NCALD: variants seen among roughly 807,000 people sequenced by gnomAD.
The protein encoded by NCALD is neurocalcin-delta.
In NCALD, 10 loss-of-function variants were observed where a neutral mutation model predicts 18.6. That is an observed-to-expected ratio of 0.54 (90% CI 0.33 to 0.91). The LOEUF is 0.91. Among genes scored for constraint, NCALD ranks in the 40% least tolerant of loss-of-function variants. The pLI is 0.03. For missense variants in NCALD, 184 were observed against 247.6 expected (o/e 0.74, Z 1.72); for synonymous variants, 88 against 87.4 (o/e 1.01, Z -0.04).
At chr8:101,962,313 G>A (rs1415752757) in intron 2 of NCALD, among the ~76,000 whole-genome samples, 1 of 152,172 alleles carries the variant, frequency 6.6e-6, no homozygotes, top group Non-Finnish European at 1.5e-5. Flanking sequence ...TACCTTGATA[G>A]TCCAATAAAA....
chr8:101,906,294 A>C (rs1317645466), intron 3 of NCALD, among the ~76,000 whole-genome samples: 1 of 152,216 alleles, frequency 6.6e-6, no homozygotes, highest in East Asian at 1.9e-4. Context: ...AACAACTGGA[A>C]GTTCGAAATC....
At chr8:101,970,873 G>A (rs1397684193) in intron 2 of NCALD, among the ~76,000 whole-genome samples, 3 of 152,292 alleles carry the variant, frequency 2.0e-5, no homozygotes, top group South Asian at 4.1e-4. Context: ...TTGTGGCAAT[G>A]CTGCAAGGTA....
chr8:101,718,049 C>T (rs1385695975), intron 2 of NCALD, among the ~76,000 whole-genome samples: 2 of 152,100 alleles, frequency 1.3e-5, no homozygotes, highest in Admixed American at 6.5e-5. Context: ...GGACTTAGCA[C>T]TCTAGGAAAC....
At chr8:101,705,967 G>T (rs1243674756) in intron 2 of NCALD, among the ~76,000 whole-genome samples, 1 of 152,214 alleles carries the variant, frequency 6.6e-6, no homozygotes, top group East Asian at 1.9e-4. Flanking sequence ...GATAACTGGG[G>T]AAAAGTTATA....
intron 1 of NCALD, among the ~76,000 whole-genome samples, chr8:102,058,811 T>C (rs987977525): frequency 6.6e-6 from 1 of 152,200 alleles, no homozygotes; most frequent in African/African-American, 2.4e-5. Context: ...GACTTTGAGA[T>C]GGGTAGATTA....
intron 1 of NCALD, among the ~76,000 whole-genome samples, chr8:102,053,639 C>T (rs951350154): frequency 1.3e-5 from 2 of 152,160 alleles, no homozygotes; most frequent in African/African-American, 4.8e-5. Context: ...CGTTAACCAC[C>T]TAGTAATACT....
intron 2 of NCALD, among the ~76,000 whole-genome samples, chr8:101,709,437 A>G (rs1032870585): frequency 1.3e-5 from 2 of 152,258 alleles, no homozygotes; most frequent in African/African-American, 4.8e-5. Context: ...TTGTAAGGAT[A>G]AAGAATGCAG....
At chr8:102,060,176 T>C (rs1475679953) in intron 1 of NCALD, among the ~76,000 whole-genome samples, 2 of 151,946 alleles carry the variant, frequency 1.3e-5, no homozygotes, top group Non-Finnish European at 2.9e-5. Flanking sequence ...ACAGACAGGG[T>C]TTCACTGTGT....
At chr8:101,699,567 A>G (rs1460786188) in intron 2 of NCALD, among the ~76,000 whole-genome samples, 2 of 152,214 alleles carry the variant, frequency 1.3e-5, no homozygotes, top group Non-Finnish European at 2.9e-5. Context: ...TACACCATGG[A>G]ATACTATGCA....
chr8:101,999,452 A>G lies in NCALD; in HGVS notation c.-157+20785T>C, dbSNP rs185165427. Among the ~76,000 whole-genome samples, 5 of 152,284 alleles carry G rather than the reference A, an allele frequency of 3.3e-5. No individual in the cohort carries two copies. In the East Asian group the frequency reaches 9.7e-4, roughly 29 times the overall value. The stretch of plus-strand genomic sequence containing the variant: ...CCAAACATCATATGTTCTCACGCGT[A>G]ATTGGGAGCTAAGCTATGAGGATGC... On this transcript the variant is annotated intron_variant, in intron 2 of 6. Transcript: ENST00000311028.
At chr8:102,079,257 T>A (rs1032600280) in intron 1 of NCALD, among the ~76,000 whole-genome samples, 2 of 152,220 alleles carry the variant, frequency 1.3e-5, no homozygotes, top group African/African-American at 4.8e-5. Context: ...GACCAGACAC[T>A]GCAGAGCTAC....
At chr8:102,088,563 A>T (rs1371470442) in intron 1 of NCALD, among the ~76,000 whole-genome samples, 1 of 152,122 alleles carries the variant, frequency 6.6e-6, no homozygotes, top group Admixed American at 6.5e-5. Flanking sequence ...GGGAAAAAAA[A>T]AAAAAAGAAC....
intron 3 of NCALD, among the ~76,000 whole-genome samples, chr8:101,894,895 C>T (rs1817091149): frequency 6.6e-6 from 1 of 150,476 alleles, no homozygotes; most frequent in African/African-American, 2.5e-5. Flanking sequence ...AAAAAGATTC[C>T]AGGACCAGAT....
At chr8:101,896,304 C>A (rs966222795) in intron 3 of NCALD, among the ~76,000 whole-genome samples, 4 of 151,960 alleles carry the variant, frequency 2.6e-5, no homozygotes, top group Non-Finnish European at 5.9e-5. Context: ...GGAAAACTGG[C>A]TAGCCATATG....
At chr8:102,032,878 T>C (rs1275475181) in intron 1 of NCALD, among the ~76,000 whole-genome samples, 1 of 152,128 alleles carries the variant, frequency 6.6e-6, no homozygotes, top group Non-Finnish European at 1.5e-5. Flanking sequence ...AATGAGTCTA[T>C]GTGTAGGCTC....
At chr8:101,744,739 T>C (rs1165649241) in intron 1 of NCALD, among the ~76,000 whole-genome samples, 1 of 152,090 alleles carries the variant, frequency 6.6e-6, no homozygotes, top group Non-Finnish European at 1.5e-5. Flanking sequence ...GCAGTGCTGC[T>C]TGGCCCTTTA....
chr8:101,891,875 C>T (rs1390252286), intron 3 of NCALD, among the ~76,000 whole-genome samples: 2 of 152,230 alleles, frequency 1.3e-5, no homozygotes, highest in Admixed American at 6.5e-5. Flanking sequence ...CCCACGGAAT[C>T]TCGCTGATTC....
chr8:102,008,926 A>C, intron 2 of NCALD, among the ~76,000 whole-genome samples: 1 of 57,230 alleles, frequency 1.7e-5, no homozygotes, highest in Non-Finnish European at 3.6e-5. Flanking sequence ...CTACACACAC[A>C]CACACACACA....
chr8:101,690,599 A>T (rs1045190887), intron 3 of NCALD: 1 of 985,330 alleles, frequency 1.0e-6, no homozygotes, highest in African/African-American at 1.7e-5. Flanking sequence ...ACCAACAAAC[A>T]TATCTTCTCC....
Sources: allele counts gnomAD v4.1 joint callset (sites outside exome capture counted in the v4.1 genomes callset), GRCh38; gene constraint gnomAD v4.1.1; transcripts MANE v1.5; gene names NCBI Gene and HGNC (gene_info 2026-07-23, HGNC 2026-07-21).